The following STK39 variants were observed in gnomAD, a reference collection of about 807,000 sequenced individuals.
STK39 encodes the protein STE20/SPS1-related proline-alanine-rich protein kinase.
Under a neutral mutation model 77.8 loss-of-function variants are expected in STK39, and 20 were observed. That is an observed-to-expected ratio of 0.26 (90% CI 0.18 to 0.37). The LOEUF is 0.37. Among genes scored for constraint, STK39 ranks in the 10% least tolerant of loss-of-function variants. The pLI is 1.00. For synonymous variants in STK39, 246 were observed against 234.1 expected (o/e 1.05, Z -0.47); for missense variants, 479 against 656.5 (o/e 0.73, Z 2.95).
rs1339842885 is a variant in STK39, at chr2:168,247,275, A to T, written c.161T>A (p.Val54Asp). 9.3e-7 allele frequency: 1 copy of T among 1,080,154 alleles called. No homozygotes were observed. Among genetic ancestry groups the T allele is most frequent in the Non-Finnish European group, 1.1e-6 (1 of 893,404 alleles). 66.9% of individuals were successfully genotyped at this position (1,080,154 alleles called of 1,614,324 possible). Residue 54 changes from valine (V) to aspartate (D), a missense_variant, in exon 1 of 18, where the codon GTC becomes GAC. Coordinates refer to ENST00000355999, the MANE Select transcript of STK39 (RefSeq NM_013233.3). The part of the protein sequence containing the change: ...APAPAPAAQA[V>D]GWPICRDAYE... The stretch of plus-strand genomic sequence containing the variant: ...CGCGTCCCTGCAGATGGGCCAGCCG[A>T]CAGCCTGTGCCGCCGGGGCCGGGGC...
At position 168,075,094 on chromosome 2, in the gene STK39, A is replaced by T; in HGVS notation, c.1212+15T>A. On this transcript the variant is annotated intron_variant, in intron 11 of 17. Coordinates refer to ENST00000355999, the MANE Select transcript of STK39 (RefSeq NM_013233.3). ...AATTTACACAGATTAGCTCATCGTC[A>T]ACGATGTCATTTACCTTTTCCTGAG... 2 of 1,614,194 alleles carry T rather than the reference A, an allele frequency of 1.2e-6. No individual in the cohort carries two copies. Among genetic ancestry groups the T allele is most frequent in the Non-Finnish European group, 1.7e-6 (2 of 1,180,034 alleles).
chr2:168,181,858 G>T, intron 2 of STK39, 120 bp downstream of exon 2: 1 of 766,192 alleles, frequency 1.3e-6, no homozygotes, highest in Non-Finnish European at 2.2e-6. Flanking sequence ...GGTAGGGGCT[G>T]CTTTCCAAGA....
intron 16 of STK39, among the ~76,000 whole-genome samples, chr2:167,974,417 T>A (rs1257990039): frequency 1.3e-5 from 2 of 152,138 alleles, no homozygotes; most frequent in Admixed American, 6.6e-5. Flanking sequence ...CCCTGAAGCA[T>A]CTAAAAGAAA....
intron 1 of STK39, among the ~76,000 whole-genome samples, chr2:168,185,634 T>C (rs553755416): frequency 1.3e-5 from 2 of 152,350 alleles, no homozygotes; most frequent in African/African-American, 4.8e-5. Context: ...TAACTTTGCA[T>C]TTCACTAAGG....
Position 168,214,658 on chromosome 2 carries a change from A to T in STK39, c.209-32568T>A, listed in dbSNP as rs570161014. Among the ~76,000 whole-genome samples the T allele has an allele frequency of 2.6e-5, 4 of 152,238 alleles. No homozygotes were observed. In the South Asian group the frequency reaches 8.3e-4, roughly 31 times the overall value. On this transcript the variant is annotated intron_variant, in intron 1 of 17. Coordinates refer to ENST00000355999, the MANE Select transcript of STK39 (RefSeq NM_013233.3). The stretch of plus-strand genomic sequence containing the variant: ...TTACACCTCAGAAAAAGAAGCATGT[A>T]AAATAATAACATGTTTTACAAGAAT...
intron 1 of STK39, among the ~76,000 whole-genome samples, chr2:168,204,225 G>A (rs968063172): frequency 1.3e-5 from 2 of 152,154 alleles, no homozygotes; most frequent in Non-Finnish European, 2.9e-5. Flanking sequence ...CACATAAAGC[G>A]AGGTCACCCT....
intron 1 of STK39, among the ~76,000 whole-genome samples, chr2:168,218,548 C>T (rs1302712774): frequency 2.0e-5 from 3 of 152,160 alleles, no homozygotes; most frequent in African/African-American, 7.2e-5. Context: ...GAGCAAGGGC[C>T]AAGTCACCTA....
At chr2:168,056,891 T>A (rs150792738) in intron 14 of STK39, among the ~76,000 whole-genome samples, 2 of 152,102 alleles carry the variant, frequency 1.3e-5, no homozygotes, top group Non-Finnish European at 1.5e-5. Flanking sequence ...CCAGAGATGA[T>A]GCAAATGATC....
chr2:168,137,985 G>T (rs1687882555), intron 8 of STK39, 103 bp downstream of exon 8: 3 of 1,453,716 alleles, frequency 2.1e-6, no homozygotes, highest in Non-Finnish European at 2.8e-6. Flanking sequence ...TCCCAGACAA[G>T]AAATACCTTT....
chr2:168,210,896 G>A (rs966132849), intron 1 of STK39, among the ~76,000 whole-genome samples: 1 of 151,058 alleles, frequency 6.6e-6, no homozygotes, highest in Non-Finnish European at 1.5e-5. Context: ...AGGAACACTA[G>A]AGAAGAGACA....
intron 6 of STK39, 80 bp downstream of exon 6, chr2:168,140,569 T>C (rs1455551244): frequency 3.9e-5 from 49 of 1,271,458 alleles, no homozygotes; most frequent in Non-Finnish European, 4.9e-5. Flanking sequence ...AAATGCTAGA[T>C]ACAAATGAAA....
intron 1 of STK39, among the ~76,000 whole-genome samples, chr2:168,201,363 G>A (rs1277308341): frequency 4.6e-5 from 7 of 152,302 alleles, no homozygotes; most frequent in African/African-American, 1.7e-4. Flanking sequence ...GAGAACACAC[G>A]CAGACCCAGC....
chr2:167,994,556 C>T (rs1683783365), intron 16 of STK39, among the ~76,000 whole-genome samples: 1 of 152,098 alleles, frequency 6.6e-6, no homozygotes, highest in Non-Finnish European at 1.5e-5. Flanking sequence ...ATTTTCATCA[C>T]CTAAAAGGAA....
intron 16 of STK39, among the ~76,000 whole-genome samples, chr2:167,994,112 A>G (rs1224903847): frequency 6.6e-6 from 1 of 152,238 alleles, no homozygotes; most frequent in Non-Finnish European, 1.5e-5. Context: ...AAGGAAGTAC[A>G]TATCGGTACC....
At chr2:168,126,051 G>C (rs183329494) in intron 10 of STK39, among the ~76,000 whole-genome samples, 1 of 152,238 alleles carries the variant, frequency 6.6e-6, no homozygotes. Flanking sequence ...TTGGTTAGCA[G>C]AAGAGAGGAG....
chr2:168,225,781 G>A (rs913876592), intron 1 of STK39, among the ~76,000 whole-genome samples: 1 of 152,206 alleles, frequency 6.6e-6, no homozygotes, highest in Non-Finnish European at 1.5e-5. Context: ...CCTAAGAGCA[G>A]TATTACATAA....
At chr2:168,202,513 C>A (rs1288392160) in intron 1 of STK39, among the ~76,000 whole-genome samples, 1 of 152,094 alleles carries the variant, frequency 6.6e-6, no homozygotes, top group Non-Finnish European at 1.5e-5. Context: ...GTTTCCAGGT[C>A]TCTCTGACAT....
intron 1 of STK39, among the ~76,000 whole-genome samples, chr2:168,239,979 T>C (rs1008851378): frequency 6.6e-6 from 1 of 152,210 alleles, no homozygotes; most frequent in African/African-American, 2.4e-5. Flanking sequence ...TTCATGAACA[T>C]GCACCAAGAT....
intron 10 of STK39, among the ~76,000 whole-genome samples, chr2:168,099,352 G>T (rs1441535607): frequency 6.6e-6 from 1 of 152,144 alleles, no homozygotes; most frequent in East Asian, 1.9e-4. Context: ...ACACAAAAGG[G>T]GTTGTTAGGT....
Sources: allele counts gnomAD v4.1 joint callset (sites outside exome capture counted in the v4.1 genomes callset), GRCh38; gene constraint gnomAD v4.1.1; transcripts MANE v1.5; gene names NCBI Gene and HGNC (gene_info 2026-07-23, HGNC 2026-07-21).